The following CNTNAP2 variants were observed in gnomAD, a reference collection of about 807,000 sequenced individuals.
CNTNAP2 encodes the protein contactin associated protein 2, also known as contactin-associated protein-like 2.
A neutral mutation model predicts 155.2 loss-of-function variants in CNTNAP2; 98 were observed. The ratio of observed to expected loss-of-function variants is 0.63; its 90% confidence interval spans 0.54 to 0.75. The LOEUF is 0.75. CNTNAP2 is among the 30% of genes least tolerant of loss of function. The probability of loss-of-function intolerance (pLI) is 0.00; values close to 1 mark genes in which losing one functional copy is unlikely to be tolerated. For missense variants in CNTNAP2, 1,727 were observed against 1,688.1 expected, an observed-to-expected ratio of 1.02 and a Z score of -0.40; for synonymous variants, 651 against 631.2, an observed-to-expected ratio of 1.03 and a Z score of -0.47.
chr7:148,198,659 C>T (rs1235296094), intron 18 of CNTNAP2, among the ~76,000 whole-genome samples: 1 of 152,218 alleles, frequency 6.6e-6, no homozygotes, highest in Admixed American at 6.5e-5. Flanking sequence ...CAGATGTGCC[C>T]TTTCAGAAGT....
intron 18 of CNTNAP2, among the ~76,000 whole-genome samples, chr7:148,215,400 G>A (rs532007121): frequency 6.6e-6 from 1 of 152,230 alleles, no homozygotes; most frequent in Non-Finnish European, 1.5e-5. Context: ...GTTTTTTTGT[G>A]TAAGGTTGCA....
At chr7:147,565,943 G>A (rs1191137477) in intron 12 of CNTNAP2, among the ~76,000 whole-genome samples, 1 of 151,642 alleles carries the variant, frequency 6.6e-6, no homozygotes, top group Non-Finnish European at 1.5e-5. Flanking sequence ...ATATCATTTG[G>A]GGGTTGATGT....
At chr7:147,969,627 G>A (rs1801295248) in intron 14 of CNTNAP2, among the ~76,000 whole-genome samples, 1 of 152,158 alleles carries the variant, frequency 6.6e-6, no homozygotes, top group Non-Finnish European at 1.5e-5. Context: ...TTTTAGTAGA[G>A]ACTTGGACAG....
chr7:147,839,381 A>C (rs544884264), intron 13 of CNTNAP2, among the ~76,000 whole-genome samples: 8 of 152,318 alleles, frequency 5.3e-5, no homozygotes, highest in African/African-American at 1.9e-4. Flanking sequence ...AATATGTTTT[A>C]ATCTATAGAA....
intron 13 of CNTNAP2, among the ~76,000 whole-genome samples, chr7:147,900,494 G>A (rs773891223): frequency 6.6e-6 from 1 of 152,134 alleles, no homozygotes; most frequent in Non-Finnish European, 1.5e-5. Context: ...GGCCTCCTCA[G>A]CCACACAAAA....
intron 1 of CNTNAP2, among the ~76,000 whole-genome samples, chr7:146,721,743 T>C (rs1232805262): frequency 5.4e-5 from 7 of 128,832 alleles, no homozygotes; most frequent in Non-Finnish European, 9.4e-5. Flanking sequence ...ATATATTCTA[T>C]ATATATATTC....
At chr7:147,815,492 C>G (rs1211599797) in intron 13 of CNTNAP2, among the ~76,000 whole-genome samples, 1 of 152,198 alleles carries the variant, frequency 6.6e-6, no homozygotes, top group East Asian at 1.9e-4. Context: ...TGGAATCCTT[C>G]TCAAGCTTGG....
chr7:148,283,255 A>AGGAAAG (rs1277840999), intron 21 of CNTNAP2, among the ~76,000 whole-genome samples: 1 of 63,626 alleles, frequency 1.6e-5, no homozygotes, highest in African/African-American at 6.1e-5. Flanking sequence ...AAAAAAAAAA[A>AGGAAAG]AAAGAAAGAA....
intron 15 of CNTNAP2, among the ~76,000 whole-genome samples, chr7:148,076,419 CTTCT>C (rs1299515450): frequency 2.0e-5 from 2 of 99,896 alleles, no homozygotes; most frequent in East Asian, 1.1e-3. Flanking sequence ...ATAGCTCTGA[CTTCT>C]TTTTTTTTTT....
intron 20 of CNTNAP2, among the ~76,000 whole-genome samples, chr7:148,249,966 C>T (rs771492558): frequency 7.9e-5 from 12 of 152,222 alleles, no homozygotes; most frequent in East Asian, 1.9e-4. Flanking sequence ...GTTTAAAGTA[C>T]GAGTTCTCTG....
intron 8 of CNTNAP2, among the ~76,000 whole-genome samples, chr7:147,237,917 T>C (rs1256841473): frequency 2.6e-5 from 4 of 152,248 alleles, no homozygotes; most frequent in African/African-American, 9.6e-5. Context: ...AAAAAGTTAA[T>C]ATAAAGTCTA....
chr7:147,217,668 G>A (rs1349146834), intron 8 of CNTNAP2, among the ~76,000 whole-genome samples: 2 of 151,950 alleles, frequency 1.3e-5, no homozygotes, highest in Non-Finnish European at 2.9e-5. Flanking sequence ...CATAGAATGA[G>A]GTAGAAAGTT....
At chr7:146,787,992 T>G (rs150972140) in intron 2 of CNTNAP2, among the ~76,000 whole-genome samples, 1 of 152,256 alleles carries the variant, frequency 6.6e-6, no homozygotes, top group South Asian at 2.1e-4. Context: ...TGATTGGTGC[T>G]TTTACAAACC....
chr7:148,037,359 G>A (rs1162717564), intron 15 of CNTNAP2, among the ~76,000 whole-genome samples: 1 of 152,194 alleles, frequency 6.6e-6, no homozygotes, highest in Non-Finnish European at 1.5e-5. Context: ...AAATTATAAG[G>A]CAGATAGTAT....
chr7:147,907,040 A>C (rs1799969055), intron 14 of CNTNAP2, among the ~76,000 whole-genome samples: 1 of 152,078 alleles, frequency 6.6e-6, no homozygotes, highest in Non-Finnish European at 1.5e-5. Flanking sequence ...TAGCTTGAGC[A>C]AACTGAAAAG....
chr7:147,524,393 C>A (rs1799281272), intron 11 of CNTNAP2, among the ~76,000 whole-genome samples: 1 of 152,120 alleles, frequency 6.6e-6, no homozygotes, highest in African/African-American at 2.4e-5. Flanking sequence ...TCCATCTCAA[C>A]AACAACAACA....
At chr7:146,569,385 G>C (rs916794266) in intron 1 of CNTNAP2, among the ~76,000 whole-genome samples, 2 of 152,120 alleles carry the variant, frequency 1.3e-5, no homozygotes, top group African/African-American at 4.8e-5. Context: ...TTCACCATGG[G>C]AATCTTTCTG....
chr7:146,180,293 A>AT (rs975355226), intron 1 of CNTNAP2, among the ~76,000 whole-genome samples: 2 of 149,626 alleles, frequency 1.3e-5, no homozygotes, highest in African/African-American at 4.9e-5. Flanking sequence ...TTTTTATTTC[A>AT]TTTTTTTCTT....
At position 146,934,657 on chromosome 7, in the gene CNTNAP2, T is replaced by G. The variant is rs543861555; in HGVS notation, c.402+94753T>G. 2.0e-5 allele frequency among the ~76,000 whole-genome samples: 3 copies of G among 152,320 alleles called. No individual in the cohort carries two copies. The East Asian group carries it at 5.8e-4, about 29-fold the overall frequency. On this transcript the variant is annotated intron_variant, in intron 3 of 23. Transcript: ENST00000361727. The stretch of plus-strand genomic sequence containing the variant: ...AACAATGGACATGTATTCGCATTTA[T>G]AATTTTGAAAAGAAAAAAATGGACA...
Sources: gnomAD v4.1 joint callset for allele counts (sites outside exome capture counted in the v4.1 genomes callset) on GRCh38, gnomAD v4.1.1 for gene constraint, MANE v1.5 for transcripts, NCBI Gene and HGNC (gene_info 2026-07-23, HGNC 2026-07-21) for gene names.